The following ZSCAN18 variants were observed in gnomAD, a reference collection of about 807,000 sequenced individuals.
The protein encoded by ZSCAN18 is zinc finger and SCAN domain-containing protein 18.
ZSCAN18 carries 16 observed loss-of-function variants against 31.1 expected under a neutral mutation model. The ratio of observed to expected loss-of-function variants is 0.51; its 90% CI spans 0.35 to 0.78. The LOEUF (loss-of-function observed/expected upper bound fraction) is 0.78. ZSCAN18 is among the 30% of genes least tolerant of loss of function. The probability of loss-of-function intolerance (pLI) is 0.01; values close to 1 mark genes in which losing one functional copy is unlikely to be tolerated. For synonymous variants in ZSCAN18, 375 were observed against 320.7 expected, an observed-to-expected ratio of 1.17 and a Z score of -1.81; for missense variants, 731 against 697.4, an observed-to-expected ratio of 1.05 and a Z score of -0.54.
In ZSCAN18 at chr19:58,085,090, A is replaced by G. The variant is rs1250658181; in HGVS notation, c.1128T>C (p.Asp376=). Residue 376 remains aspartate (D), a synonymous_variant, in exon 7 of 7, where the codon GAT becomes GAC. Transcript: ENST00000601144. ...KLGTKRPHPE[D]GDGQSLEGVS... ...CGCCCTCGAGGCTCTGCCCGTCCCC[A>G]TCCTCGGGGTGCGGCCTCTTGGTTC... is the stretch of plus-strand genomic sequence containing the variant. 6 of 1,604,522 alleles carry G rather than the reference A, an allele frequency of 3.7e-6. No individual in the cohort carries two copies. The Admixed American group carries it at 6.7e-5, about 18-fold the overall frequency.
chr19:58,114,019 C>A (rs1393177165), intron 1 of ZSCAN18, among the ~76,000 whole-genome samples: 1 of 151,546 alleles, frequency 6.6e-6, no homozygotes, highest in Non-Finnish European at 1.5e-5. Context: ...CCTGTAATCC[C>A]AACACTAAGG....
At chr19:58,098,072 C>T (rs1188111678) in intron 1 of ZSCAN18, 102 bp downstream of exon 1, 1 of 985,500 alleles carries the variant, frequency 1.0e-6, no homozygotes, top group Non-Finnish European at 1.2e-6. Context: ...CCCGGGAACA[C>T]CCTGGCCCCT....
Position 58,084,885 on chromosome 19 carries a change from CCT to C in ZSCAN18, c.1331_1332del (p.Gln444ArgfsTer45). The C allele has an allele frequency of 1.3e-6, 2 of 1,597,206 alleles. No homozygotes were observed. Among genetic ancestry groups the C allele is most frequent in the Non-Finnish European group, 1.7e-6 (2 of 1,173,656 alleles). On this transcript the variant is annotated frameshift_variant, in exon 7 of 7. Coordinates refer to ENST00000601144, the MANE Select transcript of ZSCAN18 (RefSeq NM_001145543.2). LOFTEE classifies it low-confidence loss of function (END_TRUNC). This position sits in a 1 kb window ranked among gnomAD's most constrained non-coding sequence, Gnocchi z 4.5. ...SHGGRKRYAC[Q>X]GCWKTFHFSL... is the part of the protein sequence containing the mutation. ...CTGAAGTGGAAGGTCTTCCAGCAGCCCTGACAGGCGTAGCGCTTCCGGCCGCC... is the reference window on the plus strand; with the variant it reads ...CTGAAGTGGAAGGTCTTCCAGCAGCCGACAGGCGTAGCGCTTCCGGCCGCC...
Position 58,084,996 on chromosome 19 carries a change from A to G in ZSCAN18, c.1222T>C (p.Ser408Pro), listed in dbSNP as rs1472030552. ...QGPGADEPGLSRGKPYACGEC... is the reference protein window; with the variant it reads ...QGPGADEPGLPRGKPYACGEC... The stretch of plus-strand genomic sequence containing the variant: ...CCGCAGGCATAGGGCTTCCCGCGGG[A>G]CAAGCCCGGCTCGTCAGCCCCAGGG... Residue 408 changes from serine (S) to proline (P), a missense_variant, in exon 7 of 7, where the codon TCC becomes CCC. By Grantham distance (74) the Ser-to-Pro change is moderately conservative. Around this residue, in one of 4 missense-constraint regions of ZSCAN18, gnomAD observed 597 missense variants for 499.5 expected, o/e 1.20. Coordinates refer to ENST00000601144, the MANE Select transcript of ZSCAN18 (RefSeq NM_001145543.2). The surrounding 1 kb of genome is among the most constrained non-coding windows in gnomAD (Gnocchi z 4.5). The G allele has an allele frequency of 6.3e-7, 1 of 1,595,502 alleles. No homozygotes were observed. The highest frequency in any genetic ancestry group is 1.7e-5 in the Admixed American group (1 of 57,730).
upstream of ZSCAN18, among the ~76,000 whole-genome samples, chr19:58,099,656 G>T (rs539117237): frequency 6.6e-6 from 1 of 152,316 alleles, no homozygotes; most frequent in South Asian, 2.1e-4. Flanking sequence ...TATTAGTGTT[G>T]TAAGAAGCTG....
upstream of ZSCAN18, among the ~76,000 whole-genome samples, chr19:58,102,926 G>A (rs1291311532): frequency 6.6e-6 from 1 of 152,128 alleles, no homozygotes; most frequent in African/African-American, 2.4e-5. Context: ...GAGGTCAGGA[G>A]TTCAAGACCA....
At chr19:58,107,054 T>G (rs549066436) in intron 1 of ZSCAN18, among the ~76,000 whole-genome samples, 104 of 151,818 alleles carry the variant, frequency 6.9e-4, no homozygotes, top group African/African-American at 1.7e-3. Flanking sequence ...TGAGCCACCG[T>G]GCCTGGCCAA....
At chr19:58,111,349 G>GA (rs1185157237) in intron 1 of ZSCAN18, among the ~76,000 whole-genome samples, 3 of 151,738 alleles carry the variant, frequency 2.0e-5, no homozygotes, top group Non-Finnish European at 4.4e-5. Context: ...TGAACCCCCC[G>GA]AAAAAAATTT....
intron 6 of ZSCAN18, chr19:58,085,833 G>A: frequency 2.9e-6 from 1 of 339,836 alleles, no homozygotes; most frequent in Non-Finnish European, 5.4e-6. Context: ...AGGCACCCAG[G>A]GCCCTCCAGC....
chr19:58,089,924 T>C lies in ZSCAN18; in HGVS notation c.344A>G (p.Glu115Gly). The change falls in exon 2 of 7, where the codon GAG becomes GGG. Residue 115 changes from glutamate to glycine, a missense_variant. Glu to Gly is a moderately conservative substitution (Grantham distance 98). Coordinates refer to ENST00000601144, the MANE Select transcript of ZSCAN18 (RefSeq NM_001145543.2). Reference protein sequence around the residue: ...VRPWVVAQYPESCKKAASLVE... With the variant: ...VRPWVVAQYPGSCKKAASLVE... ...CAGGGAGGCTGCCTTCTTGCAGCTCTCAGGGTACTGTGCCACCACCCAGGG... is the reference window on the plus strand; with the variant it reads ...CAGGGAGGCTGCCTTCTTGCAGCTCCCAGGGTACTGTGCCACCACCCAGGG... The C allele has an allele frequency of 1.2e-6, 2 of 1,614,142 alleles. No individual in the cohort carries two copies. Among genetic ancestry groups the C allele is most frequent in the Non-Finnish European group, 1.7e-6 (2 of 1,180,026 alleles).
rs563459673 is a variant in ZSCAN18 at position 58,098,148 on chromosome 19, G to A, written c.-120+26C>T. ...CTGTTGGGGTCGCTCTCTGACCCCCGCGCTGCATCCCCGGGACCGACCCAC... is the reference window on the plus strand; with the variant it reads ...CTGTTGGGGTCGCTCTCTGACCCCCACGCTGCATCCCCGGGACCGACCCAC... On this transcript the variant is annotated intron_variant, in intron 1 of 6. Coordinates refer to ENST00000601144, the MANE Select transcript of ZSCAN18 (RefSeq NM_001145543.2). 1,249 of 985,388 alleles carry A rather than the reference G, an allele frequency of 1.3e-3. 2 individuals carry two copies. Among genetic ancestry groups the A allele is most frequent in the Non-Finnish European group, 1.4e-3 (1,185 of 830,048 alleles). 61.0% of individuals were successfully genotyped at this position (985,388 alleles called of 1,614,324 possible).
chr19:58,095,458 C>T (rs2074502513), intron 1 of ZSCAN18, among the ~76,000 whole-genome samples: 1 of 152,226 alleles, frequency 6.6e-6, no homozygotes, highest in African/African-American at 2.4e-5. Context: ...GCCACTCATC[C>T]TTCCCCGTCC....
upstream of ZSCAN18, among the ~76,000 whole-genome samples, chr19:58,101,751 C>G (rs543668966): frequency 6.6e-6 from 1 of 151,526 alleles, no homozygotes; most frequent in Non-Finnish European, 1.5e-5. Flanking sequence ...AACTCTTGAC[C>G]TCAGGTGATT....
intron 1 of ZSCAN18, chr19:58,108,340 C>G: frequency 3.0e-6 from 3 of 985,462 alleles, no homozygotes; most frequent in Non-Finnish European, 3.6e-6. Flanking sequence ...TCATTACATT[C>G]GAATAGTTTT....
At chr19:58,088,291 GCACT>G (rs1205705685) in intron 3 of ZSCAN18, 1 of 161,218 alleles carries the variant, frequency 6.2e-6, no homozygotes, top group Non-Finnish European at 1.4e-5. Flanking sequence ...CGAACAGCAA[GCACT>G]CAGACACAGC....
intron 1 of ZSCAN18, among the ~76,000 whole-genome samples, chr19:58,115,469 G>A (rs1298853115): frequency 6.6e-6 from 1 of 152,200 alleles, no homozygotes; most frequent in Non-Finnish European, 1.5e-5. Context: ...AGCCTTGGGT[G>A]CATTTACTTC....
chr19:58,097,304 G>C (rs1357459660), intron 1 of ZSCAN18, among the ~76,000 whole-genome samples: 1 of 152,066 alleles, frequency 6.6e-6, no homozygotes, highest in South Asian at 2.1e-4. Flanking sequence ...CTGGACGGGG[G>C]TAGAGGGGGA....
rs945988276 is a variant in ZSCAN18, at chr19:58,117,228, C to A, written c.130+1039G>T. Among the ~76,000 whole-genome samples the A allele has an allele frequency of 5.3e-5, 8 of 152,212 alleles. No individual in the cohort carries two copies. The South Asian group carries it at 1.7e-3, about 32-fold the overall frequency. ...AAAGAGGATTGTGGGTGGAGGGAGT[C>A]ACCACTTGGAGAGACTAGAAAGACT... On this transcript the variant is annotated intron_variant, in intron 1 of 1. Transcript: ENST00000595721.
At chr19:58,106,909 C>A (rs1244295695) in intron 1 of ZSCAN18, among the ~76,000 whole-genome samples, 1 of 150,750 alleles carries the variant, frequency 6.6e-6, no homozygotes, top group Admixed American at 6.6e-5. Flanking sequence ...TACAGGTGTG[C>A]ACCATCACGC....
Sources: gnomAD v4.1 joint callset for allele counts (sites outside exome capture counted in the v4.1 genomes callset) on GRCh38, gnomAD v4.1.1 for gene constraint, gnomAD v4.1.1 regional missense constraint, Gnocchi (gnomAD v3.1) non-coding constraint, MANE v1.5 for transcripts, NCBI Gene and HGNC (gene_info 2026-07-23, HGNC 2026-07-21) for gene names.